SAMD3: variants seen among roughly 807,000 people sequenced by gnomAD.
SAMD3 encodes the protein sterile alpha motif domain containing 3, also known as sterile alpha motif domain-containing protein 3.
Under a neutral mutation model 58.5 loss-of-function variants are expected in SAMD3, and 63 were observed. The observed-to-expected ratio is 1.08, with a 90% CI of 0.88 to 1.33. SAMD3 has a LOEUF of 1.33. SAMD3 is among the 40% of genes most tolerant of loss of function. The pLI is 0.00. For synonymous variants in SAMD3, 220 were observed against 210.3 expected (o/e 1.05, Z -0.40); for missense variants, 604 against 608.4 (o/e 0.99, Z 0.08).
In SAMD3 at chr6:130,155,033, AC is replaced by A; in HGVS notation, c.823-9del. Reference sequence around the variant, plus strand: ...AAAACAAACAGCTTCTTCCTGCAAAACATTTTCAACATATCAATGGATTCCA... The same window carrying A: ...AAAACAAACAGCTTCTTCCTGCAAAAATTTTCAACATATCAATGGATTCCA... On this transcript the variant is annotated splice_polypyrimidine_tract_variant and intron_variant, in intron 8 of 11. Coordinates refer to ENST00000439090, the MANE Select transcript of SAMD3 (RefSeq NM_001017373.4). 6.2e-7 allele frequency: 1 copy of A among 1,607,050 alleles called. No individual in the cohort carries two copies.
intron 2 of SAMD3, among the ~76,000 whole-genome samples, chr6:130,278,659 G>C (rs1161680495): frequency 2.0e-5 from 3 of 152,062 alleles, no homozygotes; most frequent in African/African-American, 7.2e-5. Flanking sequence ...GTGGAGGAAG[G>C]GTGAAACTGG....
chr6:130,294,431 G>A (rs566961128), intron 2 of SAMD3, among the ~76,000 whole-genome samples: 2 of 152,180 alleles, frequency 1.3e-5, no homozygotes, highest in African/African-American at 2.4e-5. Context: ...TCAGCCCCTC[G>A]TTATTAATGT....
At chr6:130,255,099 A>G (rs1562483229) in intron 2 of SAMD3, among the ~76,000 whole-genome samples, 1 of 152,094 alleles carries the variant, frequency 6.6e-6, no homozygotes, top group African/African-American at 2.4e-5. Context: ...AGTATTTGTA[A>G]ACTTTCCACA....
At chr6:130,282,371 A>T (rs34148247) in intron 2 of SAMD3, among the ~76,000 whole-genome samples, 48,140 of 151,796 alleles carry the variant, frequency 0.32, 7,802 homozygotes, top group East Asian at 0.47. Context: ...TATATTATAT[A>T]CATAGGCAAG....
At chr6:130,220,699 A>G (rs1052256764) in intron 1 of SAMD3, among the ~76,000 whole-genome samples, 6 of 152,224 alleles carry the variant, frequency 3.9e-5, no homozygotes, top group African/African-American at 1.4e-4. Flanking sequence ...GGAAGAATAA[A>G]TAGGTAAAAA....
intron 1 of SAMD3, among the ~76,000 whole-genome samples, chr6:130,220,020 G>T (rs1351084715): frequency 1.3e-5 from 2 of 151,798 alleles, no homozygotes; most frequent in African/African-American, 4.8e-5. Context: ...CTATTTTTTT[G>T]AGATGGAGTC....
intron 2 of SAMD3, among the ~76,000 whole-genome samples, chr6:130,234,245 TTTTA>T (rs569190439): frequency 1.3e-5 from 2 of 152,004 alleles, no homozygotes; most frequent in Non-Finnish European, 2.9e-5. Context: ...CAAAATCCAT[TTTTA>T]TTTATTTATT....
intron 1 of SAMD3, among the ~76,000 whole-genome samples, chr6:130,337,644 C>T (rs1018472060): frequency 8.5e-5 from 13 of 152,148 alleles, no homozygotes; most frequent in Non-Finnish European, 1.8e-4. Flanking sequence ...TGGTTTTGAC[C>T]AAAATGCTGA....
intron 8 of SAMD3, among the ~76,000 whole-genome samples, chr6:130,168,400 A>C (rs954267887): frequency 6.6e-6 from 1 of 152,108 alleles, no homozygotes; most frequent in Non-Finnish European, 1.5e-5. Flanking sequence ...ATGCAACTGC[A>C]CTCCAGCCTG....
At chr6:130,234,589 T>C (rs17058574) in intron 2 of SAMD3, among the ~76,000 whole-genome samples, 21,666 of 152,116 alleles carry the variant, frequency 0.14, 1,762 homozygotes, top group East Asian at 0.36. Context: ...TTACATGTCC[T>C]GGATCACTAC....
intron 1 of SAMD3, among the ~76,000 whole-genome samples, chr6:130,357,075 C>A (rs1777851960): frequency 7.0e-6 from 1 of 142,710 alleles, no homozygotes; most frequent in Admixed American, 6.9e-5. Flanking sequence ...TGTATTTTAT[C>A]TTTAAAAATC....
chr6:130,154,973 T>G lies in SAMD3; in HGVS notation c.875A>C (p.Gln292Pro). Residue 292 changes from glutamine (Q) to proline (P), a missense_variant, in exon 9 of 12, where the codon CAG becomes CCG. By Grantham distance (76) the Gln-to-Pro change is moderately conservative (BLOSUM62 -1). Transcript: ENST00000439090. Reference sequence around the variant, plus strand: ...CTTTTCTGTTTTCACGTATTCTTGCTGGAACCACTTAATATGTTCATCTAG... The same window carrying G: ...CTTTTCTGTTTTCACGTATTCTTGCGGGAACCACTTAATATGTTCATCTAG... ...SELDEHIKWFQQEYVKTEKDW... is the reference protein window; with the variant it reads ...SELDEHIKWFPQEYVKTEKDW... The G allele has an allele frequency of 3.7e-6, 6 of 1,613,580 alleles. No homozygotes were observed. Among genetic ancestry groups the G allele is most frequent in the Non-Finnish European group, 5.1e-6 (6 of 1,179,738 alleles).
At chr6:130,239,609 G>C (rs1424598758) in intron 2 of SAMD3, among the ~76,000 whole-genome samples, 1 of 152,094 alleles carries the variant, frequency 6.6e-6, no homozygotes, top group Non-Finnish European at 1.5e-5. Context: ...TAGAGGGGAG[G>C]TAAGAGAAAG....
chr6:130,215,869 G>T, intron 2 of SAMD3: 1 of 1,527,730 alleles, frequency 6.5e-7, no homozygotes, highest in Non-Finnish European at 8.8e-7. Context: ...AGCAAGAAGA[G>T]GAAGTAGGAC....
chr6:130,275,955 T>C (rs572713859), intron 2 of SAMD3, among the ~76,000 whole-genome samples: 1 of 152,178 alleles, frequency 6.6e-6, no homozygotes, highest in Non-Finnish European at 1.5e-5. Flanking sequence ...ATGAATATGT[T>C]GCCTTACATG....
intron 9 of SAMD3, among the ~76,000 whole-genome samples, chr6:130,147,819 T>C (rs1439356452): frequency 6.6e-6 from 1 of 152,236 alleles, no homozygotes; most frequent in Non-Finnish European, 1.5e-5. Flanking sequence ...CTTGTTAGTT[T>C]CCTTGACGGT....
At chr6:130,183,321 A>C (rs911875195) in intron 7 of SAMD3, 2 of 437,354 alleles carry the variant, frequency 4.6e-6, no homozygotes, top group African/African-American at 4.5e-5. Flanking sequence ...TGAGTGAGAG[A>C]GCGAGACTCC....
chr6:130,297,541 T>C (rs1775610181), intron 2 of SAMD3, among the ~76,000 whole-genome samples: 1 of 151,914 alleles, frequency 6.6e-6, no homozygotes, highest in South Asian at 2.1e-4. Context: ...CTAATCAAAT[T>C]GAAAAGTTTG....
At chr6:130,210,444 CA>C (rs1582937710) in intron 4 of SAMD3, among the ~76,000 whole-genome samples, 1 of 151,886 alleles carries the variant, frequency 6.6e-6, no homozygotes, top group Non-Finnish European at 1.5e-5. Context: ...ACTGAAAACA[CA>C]AAAATTAGCT....
Sources: allele counts gnomAD v4.1 joint callset (sites outside exome capture counted in the v4.1 genomes callset), GRCh38; gene constraint gnomAD v4.1.1; transcripts MANE v1.5; gene names NCBI Gene and HGNC (gene_info 2026-07-23, HGNC 2026-07-21).